The following SLC24A3 variants were observed in gnomAD, a reference collection of about 807,000 sequenced individuals.
SLC24A3 encodes sodium/potassium/calcium exchanger 3.
Under a neutral mutation model 75.8 loss-of-function variants are expected in SLC24A3, and 28 were observed. The ratio of observed to expected loss-of-function variants is 0.37; its 90% CI spans 0.27 to 0.51. The LOEUF (loss-of-function observed/expected upper bound fraction) is 0.51. Among genes scored for constraint, SLC24A3 ranks in the 20% least tolerant of loss-of-function variants. The probability of loss-of-function intolerance (pLI) is 0.94; values close to 1 mark genes in which losing one functional copy is unlikely to be tolerated. For missense variants in SLC24A3, 663 were observed against 847.8 expected, an observed-to-expected ratio of 0.78 and a Z score of 2.71; for synonymous variants, 372 against 334.1, an observed-to-expected ratio of 1.11 and a Z score of -1.24.
chr20:19,447,445 G>T lies in SLC24A3; in HGVS notation c.272-68043G>T, dbSNP rs186064494. ...AAGGGAATACTGAATGGACAGGTTT[G>T]CAGAGCCCCAAGCAGTACGACTAGG... On this transcript the variant is annotated intron_variant, in intron 2 of 16. Transcript: ENST00000328041. Among the ~76,000 whole-genome samples the T allele has an allele frequency of 1.3e-3, 192 of 152,240 alleles. 2 individuals carry two copies. The highest frequency in any genetic ancestry group is 4.5e-3 in the African/African-American group (188 of 41,550).
At chr20:19,375,864 C>G (rs1986074956) in intron 2 of SLC24A3, among the ~76,000 whole-genome samples, 1 of 152,208 alleles carries the variant, frequency 6.6e-6, no homozygotes, top group Admixed American at 6.5e-5. Flanking sequence ...AGAAATTTCT[C>G]TCCTGCACTT....
At chr20:19,447,754 G>A (rs896305840) in intron 2 of SLC24A3, among the ~76,000 whole-genome samples, 4 of 152,058 alleles carry the variant, frequency 2.6e-5, no homozygotes, top group African/African-American at 7.2e-5. Flanking sequence ...ATAGATAGAT[G>A]GTCTGCTTGC....
intron 2 of SLC24A3, among the ~76,000 whole-genome samples, chr20:19,506,789 A>G (rs924574873): frequency 6.6e-6 from 1 of 152,214 alleles, no homozygotes; most frequent in Non-Finnish European, 1.5e-5. Context: ...ACCTTTAACT[A>G]GTATTGAGTA....
intron 6 of SLC24A3, among the ~76,000 whole-genome samples, chr20:19,645,281 G>A (rs1262923042): frequency 1.3e-5 from 2 of 152,180 alleles, no homozygotes; most frequent in African/African-American, 4.8e-5. Flanking sequence ...GGGGCGCATA[G>A]CACAGAAAAT....
At chr20:19,563,496 C>T (rs1447991806) in intron 3 of SLC24A3, among the ~76,000 whole-genome samples, 1 of 152,180 alleles carries the variant, frequency 6.6e-6, no homozygotes, top group Non-Finnish European at 1.5e-5. Context: ...TATTTCTATA[C>T]ACACTTTTTT....
intron 3 of SLC24A3, among the ~76,000 whole-genome samples, chr20:19,565,416 G>T (rs1373324745): frequency 1.3e-5 from 1 of 74,260 alleles, no homozygotes; most frequent in Admixed American, 1.5e-4. Flanking sequence ...GGGGTGGGGG[G>T]TCAAATAACC....
At chr20:19,309,652 G>A (rs1402967036) in intron 2 of SLC24A3, among the ~76,000 whole-genome samples, 1 of 149,532 alleles carries the variant, frequency 6.7e-6, no homozygotes, top group African/African-American at 2.6e-5. Context: ...GTTTGTCAAA[G>A]CTTCAGTTTT....
chr20:19,328,163 C>T (rs533008614), intron 2 of SLC24A3, among the ~76,000 whole-genome samples: 55 of 152,028 alleles, frequency 3.6e-4, no homozygotes, highest in South Asian at 6.2e-4. Context: ...GATGGAAGCA[C>T]GCTTGGTGTG....
At chr20:19,225,601 T>A (rs1981848654) in intron 1 of SLC24A3, among the ~76,000 whole-genome samples, 1 of 152,294 alleles carries the variant, frequency 6.6e-6, no homozygotes, top group South Asian at 2.1e-4. Flanking sequence ...TTTATATTCA[T>A]ACCCTTCTTC....
rs1459442507 is a variant in SLC24A3 at position 19,681,970 on chromosome 20, A to G, written c.880A>G (p.Thr294Ala). ...TGATGACAGCAGCAACTGCGACGCAACTGTGGTGCTACTTAAGAAAGGTAA... is the reference window on the plus strand; with the variant it reads ...TGATGACAGCAGCAACTGCGACGCAGCTGTGGTGCTACTTAAGAAAGGTAA... Reference protein sequence around the residue: ...EIDDSSNCDATVVLLKKANFH... With the variant: ...EIDDSSNCDAAVVLLKKANFH... Residue 294 changes from threonine (T) to alanine (A), a missense_variant, in exon 10 of 17, where the codon ACT (threonine) becomes GCT (alanine). Physicochemically the swap from Thr to Ala is moderately conservative, Grantham distance 58. Around this residue, in one of 2 missense-constraint regions of SLC24A3, gnomAD observed 510 missense variants for 703.6 expected, o/e 0.72. Coordinates refer to ENST00000328041, the MANE Select transcript of SLC24A3 (RefSeq NM_020689.4). The G allele has an allele frequency of 2.5e-6, 4 of 1,614,152 alleles. No individual in the cohort carries two copies. Among genetic ancestry groups the G allele is most frequent in the African/African-American group, 2.7e-5 (2 of 75,064 alleles).
intron 1 of SLC24A3, among the ~76,000 whole-genome samples, chr20:19,277,657 T>C (rs940123113): frequency 3.9e-5 from 6 of 152,210 alleles, no homozygotes; most frequent in African/African-American, 1.4e-4. Flanking sequence ...GAGATAAAAG[T>C]TTGCAGGTTT....
At chr20:19,528,473 A>G (rs562152105) in intron 3 of SLC24A3, among the ~76,000 whole-genome samples, 1 of 152,292 alleles carries the variant, frequency 6.6e-6, no homozygotes, top group Non-Finnish European at 1.5e-5. Flanking sequence ...AGATTTTTTG[A>G]TGACATGTCC....
In SLC24A3 at chr20:19,580,562, G is replaced by A. The variant is rs1360556010; in HGVS notation, c.423+488G>A. ...ATGCTCCAAGCGGAAGCACTGAGAT[G>A]AAAGAATTGGCCACGGAGATCAGGA... On this transcript the variant is annotated intron_variant, in intron 4 of 16. Transcript: ENST00000328041. Among the ~76,000 whole-genome samples the A allele has an allele frequency of 5.9e-5, 9 of 151,998 alleles. No homozygotes were observed. The East Asian group carries it at 1.8e-3, about 30-fold the overall frequency.
At chr20:19,373,226 G>T (rs1443674950) in intron 2 of SLC24A3, among the ~76,000 whole-genome samples, 3 of 152,066 alleles carry the variant, frequency 2.0e-5, no homozygotes, top group Admixed American at 6.5e-5. Flanking sequence ...GAGATGATCC[G>T]ATTTCTGCAA....
intron 1 of SLC24A3, among the ~76,000 whole-genome samples, chr20:19,222,066 T>A (rs1981730021): frequency 1.3e-5 from 2 of 152,320 alleles, no homozygotes; most frequent in South Asian, 2.1e-4. Context: ...TCTATAGATT[T>A]TTTTTAACCA....
chr20:19,249,369 G>A (rs1227635494), intron 1 of SLC24A3, among the ~76,000 whole-genome samples: 1 of 152,082 alleles, frequency 6.6e-6, no homozygotes, highest in African/African-American at 2.4e-5. Context: ...ATATCTTCAA[G>A]CATTTCTTTA....
intron 7 of SLC24A3, 51 bp downstream of exon 7, chr20:19,654,187 G>A: frequency 3.2e-6 from 5 of 1,559,770 alleles, no homozygotes; most frequent in Non-Finnish European, 4.4e-6. Context: ...TTAAGCACCA[G>A]GGGTGGTGTG....
rs148913258 is a variant in SLC24A3 at position 19,653,146 on chromosome 20, TC to T, written c.613-914del. 2.9e-3 allele frequency among the ~76,000 whole-genome samples: 437 copies of T among 152,258 alleles called. 6 individuals carry two copies. In the East Asian group the frequency reaches 0.038, roughly 13 times the overall value. ...CTTTCCTGGGAGAAATGATTCTTTCTCCAGAACAGAAGCCTCAACCTGACAC... is the reference window on the plus strand; with the variant it reads ...CTTTCCTGGGAGAAATGATTCTTTCTCAGAACAGAAGCCTCAACCTGACAC... On this transcript the variant is annotated intron_variant, in intron 6 of 16. Coordinates refer to ENST00000328041, the MANE Select transcript of SLC24A3 (RefSeq NM_020689.4).
intron 2 of SLC24A3, among the ~76,000 whole-genome samples, chr20:19,398,690 T>C (rs913549700): frequency 7.2e-5 from 11 of 152,218 alleles, no homozygotes; most frequent in African/African-American, 2.7e-4. Flanking sequence ...CTTGTCTTAT[T>C]GCACTGGCTA....
Sources: allele counts gnomAD v4.1 joint callset (sites outside exome capture counted in the v4.1 genomes callset), GRCh38; gene constraint gnomAD v4.1.1; regional missense constraint gnomAD v4.1.1; transcripts MANE v1.5; gene names NCBI Gene and HGNC (gene_info 2026-07-23, HGNC 2026-07-21).